Variants in SLFN11 observed in about 807,000 individuals in gnomAD.
The protein encoded by SLFN11 is schlafen family member 11.
Under a neutral mutation model 53.4 loss-of-function variants are expected in SLFN11, and 43 were observed. The observed-to-expected ratio is 0.80, with a 90% CI of 0.63 to 1.04. The LOEUF (loss-of-function observed/expected upper bound fraction) is 1.04. SLFN11 is among the 50% of genes least tolerant of loss of function. The probability of loss-of-function intolerance (pLI) is 0.00; values close to 1 mark genes in which losing one functional copy is unlikely to be tolerated. For synonymous variants in SLFN11, 389 were observed against 394.7 expected, an observed-to-expected ratio of 0.99 and a Z score of 0.17; for missense variants, 990 against 1,079.1, an observed-to-expected ratio of 0.92 and a Z score of 1.16.
Position 35,353,140 on chromosome 17 carries a change from C to T in SLFN11, c.1923-1G>A. The stretch of plus-strand genomic sequence containing the variant: ...CTCTGCTCGGCAGATATTTCTATCA[C>T]TGTAAAAATTAAAAGAACACACTCA... On this transcript the variant is annotated splice_acceptor_variant, in intron 6 of 6. Transcript: ENST00000685675. LOFTEE classifies it high-confidence loss of function. The T allele has an allele frequency of 6.2e-7, 1 of 1,608,468 alleles. No homozygotes were observed. The highest frequency in any genetic ancestry group is 8.5e-7 in the Non-Finnish European group (1 of 1,178,020).
At chr17:35,354,129 TTAAC>T (rs1422169502) in intron 5 of SLFN11, 70 bp from the exon 6 acceptor site, 27 of 1,333,462 alleles carry the variant, frequency 2.0e-5, no homozygotes, top group African/African-American at 4.4e-5. Flanking sequence ...CTAATTATAA[TTAAC>T]TAATTGATTA....
rs921292006 is a variant in SLFN11, at chr17:35,351,745, C to T, written c.*611G>A. 6.6e-6 allele frequency: 1 copy of T among 152,434 alleles called. No homozygotes were observed. Among genetic ancestry groups the T allele is most frequent in the Non-Finnish European group, 1.5e-5 (1 of 68,268 alleles). The allele number at this position is 152,434 out of a possible 1,614,324, so 9.4% of individuals were successfully genotyped here. On this transcript the variant is annotated 3_prime_UTR_variant, in exon 7 of 7. Coordinates refer to ENST00000685675, the MANE Select transcript of SLFN11 (RefSeq NM_001376007.1). ...GGCTTGGTCTGGGCCATTCTGAGAACAAGCTCTGGAGACCACAATTTTAAA... is the reference window on the plus strand; with the variant it reads ...GGCTTGGTCTGGGCCATTCTGAGAATAAGCTCTGGAGACCACAATTTTAAA...
In SLFN11 at chr17:35,363,829, AT is replaced by A; in HGVS notation, c.-19-4del. 1 of 1,531,870 alleles carries A rather than the reference AT, an allele frequency of 6.5e-7. No homozygotes were observed. The highest frequency in any genetic ancestry group is 8.7e-7 in the Non-Finnish European group (1 of 1,143,174). The allele number at this position is 1,531,870 out of a possible 1,614,324, so 94.9% of individuals were successfully genotyped here. The stretch of plus-strand genomic sequence containing the variant: ...CCATGTTGAACTCACAGCTGAAACT[AT>A]TAGAAGAAATGAAGTGTTACATGCA... On this transcript the variant is annotated splice_region_variant and splice_polypyrimidine_tract_variant and intron_variant, in intron 3 of 6. Transcript: ENST00000685675.
At chr17:35,354,225 G>A (rs564242722) in intron 5 of SLFN11, among the ~76,000 whole-genome samples, 166 bp from the exon 6 acceptor site, 1 of 151,968 alleles carries the variant, frequency 6.6e-6, no homozygotes, top group African/African-American at 2.4e-5. Flanking sequence ...AGAACCCTTG[G>A]AATATCTGGT....
At chr17:35,362,355 G>C (rs902559201) in intron 4 of SLFN11, among the ~76,000 whole-genome samples, 2 of 152,036 alleles carry the variant, frequency 1.3e-5, no homozygotes, top group African/African-American at 2.4e-5. Context: ...TTTCTGATAC[G>C]ATTTATTTAG....
At chr17:35,354,318 A>T (rs1182990450) in intron 5 of SLFN11, among the ~76,000 whole-genome samples, 1 of 152,116 alleles carries the variant, frequency 6.6e-6, no homozygotes, top group African/African-American at 2.4e-5. Context: ...TCTCATCTGT[A>T]AAACAAAACT....
intron 5 of SLFN11, among the ~76,000 whole-genome samples, chr17:35,354,574 G>A (rs868018167): frequency 3.9e-4 from 59 of 152,202 alleles, no homozygotes; most frequent in African/African-American, 1.3e-3. Flanking sequence ...TGTTGGCAGC[G>A]AATTTCCTGC....
In SLFN11 at chr17:35,363,232, T is replaced by G. The variant is rs148533083; in HGVS notation, c.576A>C (p.Leu192=). The change falls in exon 4 of 7, where the codon CTA becomes CTC. Residue 192 remains leucine (L), a synonymous_variant. Coordinates refer to ENST00000685675, the MANE Select transcript of SLFN11 (RefSeq NM_001376007.1). ...PADPNSDPAD[L]IFQKDYLEYG... ...ATTCAAGATAGTCTTTTTGGAAAATTAGGTCAGCAGGATCCGAGTTTGGGT... is the reference window on the plus strand; with the variant it reads ...ATTCAAGATAGTCTTTTTGGAAAATGAGGTCAGCAGGATCCGAGTTTGGGT... 1.7e-5 allele frequency: 27 copies of G among 1,613,926 alleles called. No individual in the cohort carries two copies. The highest frequency in any genetic ancestry group is 2.2e-5 in the Non-Finnish European group (26 of 1,179,998).
chr17:35,363,969 G>A, intron 3 of SLFN11, 143 bp from the exon 4 acceptor site: 1 of 625,560 alleles, frequency 1.6e-6, no homozygotes, highest in Non-Finnish European at 2.6e-6. Flanking sequence ...AAGAATGGCT[G>A]GCAAGGAAGG....
At chr17:35,360,624 T>C (rs1908088293) in intron 4 of SLFN11, among the ~76,000 whole-genome samples, 1 of 152,146 alleles carries the variant, frequency 6.6e-6, no homozygotes, top group Non-Finnish European at 1.5e-5. Flanking sequence ...TCATTCTCTG[T>C]ATCTGGTTAG....
At chr17:35,355,789 ACT>A (rs1434477849) in intron 5 of SLFN11, among the ~76,000 whole-genome samples, 4 of 151,960 alleles carry the variant, frequency 2.6e-5, no homozygotes, top group African/African-American at 7.2e-5. Flanking sequence ...TGATTTGAGG[ACT>A]CTGTGCCTTT....
rs886325880 is a variant in SLFN11, at chr17:35,363,423, T to G, written c.385A>C (p.Ser129Arg). The G allele has an allele frequency of 1.2e-6, 2 of 1,613,804 alleles. No homozygotes were observed. Among genetic ancestry groups the G allele is most frequent in the African/African-American group, 2.7e-5 (2 of 74,880 alleles). Reference sequence around the variant, plus strand: ...TCAGATCTACGGTATAATGAAGAACTGAGGCTGCAAAGGCGGGGCTTGACA... The same window carrying G: ...TCAGATCTACGGTATAATGAAGAACGGAGGCTGCAAAGGCGGGGCTTGACA... ...RSVKPRLCSL[S>R]SSLYRRSETS... The change falls in exon 4 of 7, where the codon AGT (serine) becomes CGT (arginine). Residue 129 changes from serine (S) to arginine (R), a missense_variant. Physicochemically the swap from Ser to Arg is moderately radical, Grantham distance 110. Around this residue, in one of 3 missense-constraint regions of SLFN11, gnomAD observed 521 missense variants for 516.2 expected, o/e 1.01. Transcript: ENST00000685675.
rs1159601409 is a variant in SLFN11, at chr17:35,362,909, AC to A, written c.898del (p.Val300Ter). The A allele has an allele frequency of 6.2e-7, 1 of 1,613,868 alleles. No homozygotes were observed. Among genetic ancestry groups the A allele is most frequent in the South Asian group, 1.1e-5 (1 of 91,068 alleles). ...GAGCTCTCCCCTTTTTAACACATTC[AC>A]AATTTTGAGTGTGAAGGTTATCGGG... ...QRPITFTLKI[V>X]NVLKRGELYG... On this transcript the variant is annotated frameshift_variant, in exon 4 of 7. Coordinates refer to ENST00000685675, the MANE Select transcript of SLFN11 (RefSeq NM_001376007.1). LOFTEE classifies it high-confidence loss of function.
At chr17:35,354,194 A>G in intron 5 of SLFN11, 135 bp from the exon 6 acceptor site, 1 of 650,956 alleles carries the variant, frequency 1.5e-6, no homozygotes. Context: ...AAATATTATT[A>G]TATTATAGTT....
chr17:35,356,857 C>T (rs138459353), intron 5 of SLFN11, among the ~76,000 whole-genome samples: 85 of 150,082 alleles, frequency 5.7e-4, no homozygotes, highest in Middle Eastern at 3.4e-3. Context: ...AGGTTAAATG[C>T]ATTTGTGATT....
intron 1 of SLFN11, among the ~76,000 whole-genome samples, chr17:35,368,098 G>A (rs1291623069): frequency 6.6e-6 from 1 of 152,042 alleles, no homozygotes; most frequent in East Asian, 1.9e-4. Context: ...GTCAAGTAGT[G>A]CCCAATTTTC....
chr17:35,366,648 T>G (rs1908991391), intron 3 of SLFN11, among the ~76,000 whole-genome samples: 1 of 152,112 alleles, frequency 6.6e-6, no homozygotes, highest in African/African-American at 2.4e-5. Context: ...CATCCTATAC[T>G]AAAGGCTTGG....
At chr17:35,354,811 G>C (rs1156525301) in intron 5 of SLFN11, among the ~76,000 whole-genome samples, 2 of 152,132 alleles carry the variant, frequency 1.3e-5, no homozygotes, top group African/African-American at 4.8e-5. Flanking sequence ...TTGTTGTCCT[G>C]TTGTGGTAGT....
chr17:35,359,293 A>C (rs1907901275), intron 5 of SLFN11, among the ~76,000 whole-genome samples: 1 of 152,114 alleles, frequency 6.6e-6, no homozygotes, highest in Non-Finnish European at 1.5e-5. Context: ...TAGATTTTAC[A>C]TTGTTTATTG....
Sources: gnomAD v4.1 joint callset for allele counts (sites outside exome capture counted in the v4.1 genomes callset) on GRCh38, gnomAD v4.1.1 for gene constraint, gnomAD v4.1.1 regional missense constraint, MANE v1.5 for transcripts, NCBI Gene and HGNC (gene_info 2026-07-23, HGNC 2026-07-21) for gene names.